CCDC18: variants seen among roughly 807,000 people sequenced by gnomAD.
The protein encoded by CCDC18 is coiled-coil domain containing 18, also known as coiled-coil domain-containing protein 18.
In CCDC18, 157 loss-of-function variants were observed where a neutral mutation model predicts 196.0. The observed-to-expected ratio is 0.80, with a 90% CI of 0.70 to 0.91. The LOEUF (loss-of-function observed/expected upper bound fraction) is 0.91. Among genes scored for constraint, CCDC18 ranks in the 40% least tolerant of loss-of-function variants. The pLI is 0.00. For synonymous variants in CCDC18, 482 were observed against 529.2 expected (o/e 0.91, Z 1.22); for missense variants, 1,465 against 1,611.6 (o/e 0.91, Z 1.56).
chr1:93,256,689 G>T (rs987215329), intron 25 of CCDC18, 151 bp downstream of exon 25: 12 of 660,254 alleles, frequency 1.8e-5, no homozygotes, highest in African/African-American at 1.1e-4. Context: ...ACTTAAAAAT[G>T]GTTAAAATGG....
At chr1:93,260,655 C>T (rs996351136) in intron 26 of CCDC18, among the ~76,000 whole-genome samples, 1 of 150,716 alleles carries the variant, frequency 6.6e-6, no homozygotes, top group Admixed American at 6.6e-5. Context: ...TTCTGGGGTA[C>T]GTGTGCAGAA....
Position 93,236,295 on chromosome 1 carries a change from T to C in CCDC18, c.2508T>C (p.Ala836=), listed in dbSNP as rs768350775. 7.0e-6 allele frequency: 11 copies of C among 1,579,050 alleles called. No individual in the cohort carries two copies. Among genetic ancestry groups the C allele is most frequent in the Admixed American group, 4.0e-5 (2 of 49,950 alleles). The change falls in exon 19 of 29, where the codon GCT becomes GCC. Residue 836 remains alanine, a synonymous_variant. Transcript: ENST00000690025. ...QELQKQRESS[A]EKLRKMEEKC... ...TTCAAAAACAAAGGGAAAGTTCAGC[T>C]GAAAAGTTGAGAAAAATGGAGGAGA...
chr1:93,271,196 GT>G, intron 28 of CCDC18: 4 of 985,374 alleles, frequency 4.1e-6, no homozygotes, highest in Non-Finnish European at 4.8e-6. Context: ...ATAATTTACT[GT>G]TCATTTGGGC....
chr1:93,187,448 T>C (rs1650915210), intron 4 of CCDC18, among the ~76,000 whole-genome samples: 1 of 152,094 alleles, frequency 6.6e-6, no homozygotes, highest in Admixed American at 6.6e-5. Flanking sequence ...TGTGTGTGTG[T>C]GTTTGTATGT....
At chr1:93,226,242 A>G in intron 16 of CCDC18, 91 bp from the exon 17 acceptor site, 1 of 621,962 alleles carries the variant, frequency 1.6e-6, no homozygotes, top group Non-Finnish European at 2.9e-6. Context: ...CACTATTTGA[A>G]GCAGTCAGGT....
At chr1:93,208,995 G>A (rs1313872838) in intron 9 of CCDC18, among the ~76,000 whole-genome samples, 2 of 149,664 alleles carry the variant, frequency 1.3e-5, no homozygotes, top group African/African-American at 4.9e-5. Context: ...TTTCACTCTT[G>A]TTGCCCAGGC....
At chr1:93,189,105 C>T (rs1453536133) in intron 4 of CCDC18, among the ~76,000 whole-genome samples, 1 of 152,154 alleles carries the variant, frequency 6.6e-6, no homozygotes. Flanking sequence ...TAACCATCCC[C>T]ACCTCTCCCC....
At chr1:93,208,486 G>A (rs998355278) in intron 9 of CCDC18, among the ~76,000 whole-genome samples, 26 of 151,482 alleles carry the variant, frequency 1.7e-4, no homozygotes, top group African/African-American at 6.3e-4. Flanking sequence ...CACAAGGGAC[G>A]GGGTTTCACC....
intron 21 of CCDC18, among the ~76,000 whole-genome samples, chr1:93,241,580 G>C (rs1490385319): frequency 6.6e-6 from 1 of 151,942 alleles, no homozygotes; most frequent in Admixed American, 6.6e-5. Context: ...AAATCAGCCA[G>C]GTGTGGTGGC....
chr1:93,206,883 C>A (rs115892399), intron 8 of CCDC18, among the ~76,000 whole-genome samples: 1,768 of 152,146 alleles, frequency 0.012, 37 homozygotes, highest in African/African-American at 0.04. Flanking sequence ...AGTTATATAA[C>A]CTTTTTGTGC....
At chr1:93,271,132 T>C (rs1273695986) in intron 28 of CCDC18, 1 of 984,560 alleles carries the variant, frequency 1.0e-6, no homozygotes, top group Non-Finnish European at 1.2e-6. Flanking sequence ...AAATATGCAG[T>C]GAGAGGAATC....
chr1:93,188,156 A>C (rs1337108957), intron 4 of CCDC18, among the ~76,000 whole-genome samples: 2 of 152,212 alleles, frequency 1.3e-5, no homozygotes, highest in African/African-American at 4.8e-5. Context: ...AAAGTTGTTG[A>C]AATATTTTTT....
chr1:93,239,380 A>C lies in CCDC18; in HGVS notation c.2674A>C (p.Lys892Gln). 1 of 1,613,462 alleles carries C rather than the reference A, an allele frequency of 6.2e-7. No homozygotes were observed. Among genetic ancestry groups the C allele is most frequent in the Non-Finnish European group, 8.5e-7 (1 of 1,179,566 alleles). The change falls in exon 20 of 29, where the codon AAA becomes CAA. Residue 892 changes from lysine (K) to glutamine (Q), a missense_variant. By Grantham distance (53) the Lys-to-Gln change is moderately conservative. Transcript: ENST00000690025. The part of the protein sequence containing the change: ...SKMEKEIMHL[K>Q]RDGENKAMHL... The stretch of plus-strand genomic sequence containing the variant: ...AATGGAAAAGGAAATAATGCACCTA[A>C]AACGAGATGGAGAAAATAAAGCAAT...
At position 93,180,865 on chromosome 1, in the gene CCDC18, C is replaced by T; in HGVS notation, c.-3+13C>T. On this transcript the variant is annotated intron_variant, in intron 1 of 28. Coordinates refer to ENST00000690025, the MANE Select transcript of CCDC18 (RefSeq NM_001378204.1). ...GCGCAGTCGCCGGGTGGGTCTCTCCCCAGCGACGATTTGGGTGGTGAGCGA... is the reference window on the plus strand; with the variant it reads ...GCGCAGTCGCCGGGTGGGTCTCTCCTCAGCGACGATTTGGGTGGTGAGCGA... 7.3e-7 allele frequency: 1 copy of T among 1,365,732 alleles called. No individual in the cohort carries two copies. Among genetic ancestry groups the T allele is most frequent in the Non-Finnish European group, 9.8e-7 (1 of 1,021,942 alleles). 84.6% of individuals were successfully genotyped at this position (1,365,732 alleles called of 1,614,324 possible).
intron 7 of CCDC18, 58 bp downstream of exon 7, chr1:93,202,046 A>T (rs1293543485): frequency 3.2e-6 from 3 of 949,422 alleles, no homozygotes; most frequent in Non-Finnish European, 4.9e-6. Flanking sequence ...TCCAACAGTA[A>T]AGGTAGGAAT....
intron 26 of CCDC18, among the ~76,000 whole-genome samples, chr1:93,264,117 G>C (rs1664181184): frequency 6.6e-6 from 1 of 151,954 alleles, no homozygotes; most frequent in African/African-American, 2.4e-5. Context: ...GGAGACAAGA[G>C]AGCAAGAGGG....
chr1:93,216,994 G>C (rs1480896489), intron 13 of CCDC18, among the ~76,000 whole-genome samples: 1 of 147,130 alleles, frequency 6.8e-6, no homozygotes, highest in African/African-American at 2.6e-5. Flanking sequence ...GAGTGCAGTG[G>C]TGTGATCTCG....
In CCDC18 at chr1:93,192,091, A is replaced by C; in HGVS notation, c.554A>C (p.Gln185Pro). 6.2e-7 allele frequency: 1 copy of C among 1,609,706 alleles called. No individual in the cohort carries two copies. Among genetic ancestry groups the C allele is most frequent in the East Asian group, 2.2e-5 (1 of 44,836 alleles). Residue 185 changes from glutamine (Q) to proline (P), a missense_variant, in exon 5 of 29, where the codon CAA becomes CCA. Physicochemically the swap from Gln to Pro is moderately conservative, Grantham distance 76 (BLOSUM62 -1). Coordinates refer to ENST00000690025, the MANE Select transcript of CCDC18 (RefSeq NM_001378204.1). ...AATTTGGAAGCAGAGGTTTCAGCTC[A>C]AGATAAAGTTTTGAGGTAAATATAC... Reference protein sequence around the residue: ...IINLEAEVSAQDKVLREAENK... With the variant: ...IINLEAEVSAPDKVLREAENK...
At chr1:93,239,169 T>A (rs1570516101) in intron 19 of CCDC18, 141 bp from the exon 20 acceptor site, 1 of 599,888 alleles carries the variant, frequency 1.7e-6, no homozygotes, top group Non-Finnish European at 2.8e-6. Flanking sequence ...GGAGAATTTT[T>A]AAAAATAGGT....
Sources: gnomAD v4.1 joint callset for allele counts (sites outside exome capture counted in the v4.1 genomes callset) on GRCh38, gnomAD v4.1.1 for gene constraint, MANE v1.5 for transcripts, NCBI Gene and HGNC (gene_info 2026-07-23, HGNC 2026-07-21) for gene names.